ATRNL1: variants seen among roughly 807,000 people sequenced by gnomAD.
ATRNL1 encodes the protein attractin-like protein 1.
In ATRNL1, 95 loss-of-function variants were observed where a neutral mutation model predicts 182.7. The observed-to-expected ratio is 0.52, with a 90% CI of 0.44 to 0.62. The LOEUF is 0.62. Among genes scored for constraint, ATRNL1 ranks in the 20% least tolerant of loss-of-function variants. ATRNL1 has a pLI of 0.00. For synonymous variants in ATRNL1, 576 were observed against 568.3 expected (o/e 1.01, Z -0.19); for missense variants, 1,471 against 1,679.5 (o/e 0.88, Z 2.17).
At chr10:115,537,865 A>G (rs1192779702) in intron 25 of ATRNL1, among the ~76,000 whole-genome samples, 3 of 152,154 alleles carry the variant, frequency 2.0e-5, no homozygotes, top group Non-Finnish European at 4.4e-5. Flanking sequence ...AATACCTCAT[A>G]GAGCCTTCTT....
intron 24 of ATRNL1, among the ~76,000 whole-genome samples, chr10:115,482,277 C>T (rs567839800): frequency 1.3e-4 from 19 of 151,114 alleles, no homozygotes; most frequent in Admixed American, 5.3e-4. Context: ...ATATTCAGCA[C>T]GCAGTGGGTT....
chr10:115,172,504 A>G (rs1847333491), intron 8 of ATRNL1, among the ~76,000 whole-genome samples: 1 of 151,946 alleles, frequency 6.6e-6, no homozygotes, highest in Admixed American at 6.6e-5. Flanking sequence ...TTCTTGATCT[A>G]CCAAAGATTT....
At chr10:115,406,253 C>T (rs1290768181) in intron 20 of ATRNL1, among the ~76,000 whole-genome samples, 4 of 152,062 alleles carry the variant, frequency 2.6e-5, no homozygotes, top group Non-Finnish European at 4.4e-5. Context: ...TTCTAGATCC[C>T]TGAGGAATCG....
chr10:115,306,298 C>A (rs1554926140), intron 17 of ATRNL1, among the ~76,000 whole-genome samples: 1 of 152,238 alleles, frequency 6.6e-6, no homozygotes, highest in Non-Finnish European at 1.5e-5. Context: ...GATAAAATGG[C>A]TAAATGTGGT....
chr10:115,155,917 G>A (rs542474605), intron 5 of ATRNL1, among the ~76,000 whole-genome samples: 291 of 152,156 alleles, frequency 1.9e-3, no homozygotes, highest in Non-Finnish European at 3.4e-3. Flanking sequence ...TAGAGACAGG[G>A]ATCAGTGGTT....
chr10:115,310,823 C>T (rs960527482), intron 17 of ATRNL1, among the ~76,000 whole-genome samples: 5 of 151,968 alleles, frequency 3.3e-5, no homozygotes, highest in Non-Finnish European at 5.9e-5. Context: ...TTATTTAGTT[C>T]TACTCTGAGA....
At chr10:115,905,211 A>G (rs1952465483) in intron 28 of ATRNL1, among the ~76,000 whole-genome samples, 1 of 151,904 alleles carries the variant, frequency 6.6e-6, no homozygotes. Context: ...GTTGGAGAAA[A>G]TATTGGTTTT....
At chr10:115,415,553 C>A (rs1554960694) in intron 20 of ATRNL1, among the ~76,000 whole-genome samples, 1 of 150,602 alleles carries the variant, frequency 6.6e-6, no homozygotes, top group African/African-American at 2.4e-5. Context: ...ATTTCTTAGT[C>A]TTTTAAAAAT....
intron 18 of ATRNL1, among the ~76,000 whole-genome samples, chr10:115,329,760 C>G (rs1409428445): frequency 6.6e-6 from 1 of 152,074 alleles, no homozygotes; most frequent in Non-Finnish European, 1.5e-5. Flanking sequence ...TAAGTCTATG[C>G]ACATTCTTAA....
chr10:115,603,314 AT>A (rs1262925275), intron 26 of ATRNL1, among the ~76,000 whole-genome samples: 1 of 152,174 alleles, frequency 6.6e-6, no homozygotes, highest in Non-Finnish European at 1.5e-5. Flanking sequence ...AGAACAAAAG[AT>A]GCTAATATCG....
intron 5 of ATRNL1, among the ~76,000 whole-genome samples, chr10:115,142,735 A>T (rs901162663): frequency 6.6e-6 from 1 of 152,138 alleles, no homozygotes; most frequent in Non-Finnish European, 1.5e-5. Context: ...GATGATGATG[A>T]TGGTAGCTTG....
chr10:115,158,788 G>A (rs1428862774), intron 5 of ATRNL1, among the ~76,000 whole-genome samples: 2 of 151,884 alleles, frequency 1.3e-5, no homozygotes, highest in Admixed American at 6.6e-5. Flanking sequence ...AAGATTAACT[G>A]CCTGATCTCA....
At chr10:115,768,396 T>C (rs1948909707) in intron 27 of ATRNL1, among the ~76,000 whole-genome samples, 2 of 152,170 alleles carry the variant, frequency 1.3e-5, no homozygotes, top group Admixed American at 6.5e-5. Flanking sequence ...GATTTACTTA[T>C]TTACATTACT....
At chr10:115,360,168 C>A (rs1303152911) in intron 19 of ATRNL1, among the ~76,000 whole-genome samples, 1 of 151,506 alleles carries the variant, frequency 6.6e-6, no homozygotes, top group African/African-American at 2.4e-5. Flanking sequence ...AATAACTACC[C>A]TTAATATATG....
intron 26 of ATRNL1, among the ~76,000 whole-genome samples, chr10:115,657,505 G>A (rs1860401705): frequency 6.6e-6 from 1 of 152,298 alleles, no homozygotes; most frequent in East Asian, 1.9e-4. Context: ...TGTGCAAAAT[G>A]TACTTAGTAT....
At chr10:115,944,177 A>G (rs1206883345) in intron 28 of ATRNL1, among the ~76,000 whole-genome samples, 1 of 151,280 alleles carries the variant, frequency 6.6e-6, no homozygotes, top group Non-Finnish European at 1.5e-5. Context: ...CCTAATGTAA[A>G]TTATGGACTT....
intron 5 of ATRNL1, among the ~76,000 whole-genome samples, chr10:115,159,088 CTT>C (rs1846656404): frequency 6.6e-6 from 1 of 151,514 alleles, no homozygotes; most frequent in Non-Finnish European, 1.5e-5. Flanking sequence ...TCATTTTTAA[CTT>C]GGGACCCATT....
At chr10:115,818,664 T>A (rs566735210) in intron 27 of ATRNL1, among the ~76,000 whole-genome samples, 1 of 152,250 alleles carries the variant, frequency 6.6e-6, no homozygotes, top group East Asian at 1.9e-4. Flanking sequence ...ATTATGCTAT[T>A]TTCCTTCTAG....
At position 115,865,111 on chromosome 10, in the gene ATRNL1, G is replaced by A. The variant is rs569322624; in HGVS notation, c.4018+17120G>A. On this transcript the variant is annotated intron_variant, in intron 28 of 28. Coordinates refer to ENST00000355044, the MANE Select transcript of ATRNL1 (RefSeq NM_207303.4). ...GAAAGACTGAGGAAATAATACATTG[G>A]AGTCTAATAACATATACACGCAATA... 9.9e-5 allele frequency among the ~76,000 whole-genome samples: 15 copies of A among 152,206 alleles called. No individual in the cohort carries two copies. The Middle Eastern group carries it at 0.017, about 173-fold the overall frequency.
Sources: allele counts gnomAD v4.1 joint callset (sites outside exome capture counted in the v4.1 genomes callset), GRCh38; gene constraint gnomAD v4.1.1; transcripts MANE v1.5; gene names NCBI Gene and HGNC (gene_info 2026-07-23, HGNC 2026-07-21).